Variants in GSTCD observed in about 807,000 individuals in gnomAD.
GSTCD encodes glutathione S-transferase C-terminal domain containing.
GSTCD carries 44 observed loss-of-function variants against 68.3 expected under a neutral mutation model. The observed-to-expected ratio is 0.64, with a 90% confidence interval of 0.51 to 0.83. GSTCD has a LOEUF of 0.83. GSTCD is among the 40% of genes least tolerant of loss of function. GSTCD has a pLI of 0.00. For missense variants in GSTCD, 739 were observed against 735.9 expected (o/e 1.00, Z -0.05); for synonymous variants, 273 against 255.2 (o/e 1.07, Z -0.67).
Position 105,834,503 on chromosome 4 carries a change from G to T in GSTCD, c.1573G>T (p.Glu525Ter). 6.2e-7 allele frequency: 1 copy of T among 1,614,100 alleles called. No homozygotes were observed. The highest frequency in any genetic ancestry group is 8.5e-7 in the Non-Finnish European group (1 of 1,179,968). ...TGGAGTGGCAACAGACATGGTGATT[G>T]AGCACTGTATCAAAACACGGGCTTC... The part of the protein sequence containing the change: ...ACGVATDMVI[E>*]HCIKTRASFV... The change falls in exon 9 of 12, where the codon GAG becomes TAG. Residue 525 changes from glutamate to a stop codon, truncating the protein, a stop_gained. Transcript: ENST00000515279. LOFTEE classifies it high-confidence loss of function.
At position 105,837,896 on chromosome 4, in the gene GSTCD, T is replaced by C. The variant is rs761420369; in HGVS notation, c.1695+7T>C. 1.7e-5 allele frequency: 18 copies of C among 1,080,536 alleles called. No individual in the cohort carries two copies. In the South Asian group the frequency reaches 2.5e-4, roughly 15 times the overall value. The allele number at this position is 1,080,536 out of a possible 1,614,324, so 66.9% of individuals were successfully genotyped here. A position where few individuals can be genotyped will look rare whatever the true frequency, so the allele number is the denominator to read the frequency against. On this transcript the variant is annotated splice_region_variant and intron_variant, in intron 10 of 11. Coordinates refer to ENST00000515279, the MANE Select transcript of GSTCD (RefSeq NM_001370181.1). ...GAAAACTTTATCATACAAGGTAACC[T>C]TAAAAAGATCTAGATATCATCCTAA... is the stretch of plus-strand genomic sequence containing the variant.
intron 5 of GSTCD, among the ~76,000 whole-genome samples, chr4:105,797,502 G>A (rs1226619290): frequency 6.6e-6 from 1 of 151,432 alleles, no homozygotes; most frequent in Non-Finnish European, 1.5e-5. Context: ...TTGTTTAAAA[G>A]TACTTTATTG....
chr4:105,795,440 G>T (rs1017841823), intron 5 of GSTCD, among the ~76,000 whole-genome samples: 2 of 151,976 alleles, frequency 1.3e-5, no homozygotes, highest in South Asian at 4.1e-4. Flanking sequence ...TTTAAGGACA[G>T]TTTTTGTTGC....
chr4:105,729,921 G>A (rs1318030077), intron 5 of GSTCD, among the ~76,000 whole-genome samples: 1 of 151,976 alleles, frequency 6.6e-6, no homozygotes, highest in Admixed American at 6.6e-5. Context: ...AGGCCCCGGT[G>A]TGTGATGTTC....
At chr4:105,746,901 C>G (rs1230686694) in intron 5 of GSTCD, among the ~76,000 whole-genome samples, 1 of 152,178 alleles carries the variant, frequency 6.6e-6, no homozygotes, top group African/African-American at 2.4e-5. Context: ...TCTGTGTGCT[C>G]TAGTCCCTAC....
intron 5 of GSTCD, among the ~76,000 whole-genome samples, chr4:105,816,817 C>T (rs147371954): frequency 2.6e-5 from 4 of 151,934 alleles, no homozygotes; most frequent in Non-Finnish European, 5.9e-5. Context: ...CTTTAGAGTC[C>T]CAGCTTCACC....
intron 5 of GSTCD, among the ~76,000 whole-genome samples, chr4:105,807,898 T>G (rs1722583100): frequency 1.3e-5 from 2 of 152,148 alleles, no homozygotes; most frequent in South Asian, 4.1e-4. Context: ...TAGCATCCGT[T>G]GATGATTTCT....
intron 1 of GSTCD, 143 bp downstream of exon 1, chr4:105,709,159 C>G (rs1321401723): frequency 6.6e-6 from 1 of 152,352 alleles, no homozygotes; most frequent in Non-Finnish European, 1.5e-5. Flanking sequence ...TGATTTTTCT[C>G]CCGCCCTGGG....
At chr4:105,807,735 A>T (rs1427433226) in intron 5 of GSTCD, among the ~76,000 whole-genome samples, 3 of 152,002 alleles carry the variant, frequency 2.0e-5, no homozygotes, top group Admixed American at 2.0e-4. Context: ...TCAGTTTGAC[A>T]CATTGTTTGT....
intron 3 of GSTCD, among the ~76,000 whole-genome samples, chr4:105,723,511 A>G (rs1314257426): frequency 2.0e-5 from 3 of 151,842 alleles, no homozygotes; most frequent in Non-Finnish European, 4.4e-5. Flanking sequence ...GAAGTAATCT[A>G]GGATTTAAAG....
chr4:105,768,051 T>G (rs1271376998), intron 5 of GSTCD, among the ~76,000 whole-genome samples: 1 of 151,894 alleles, frequency 6.6e-6, no homozygotes, highest in East Asian at 1.9e-4. Flanking sequence ...TTTTTTTTTT[T>G]TTGAGACGGA....
intron 5 of GSTCD, among the ~76,000 whole-genome samples, chr4:105,801,942 C>G (rs1736120525): frequency 6.6e-6 from 1 of 152,016 alleles, no homozygotes; most frequent in Non-Finnish European, 1.5e-5. Context: ...TTCTACTTTT[C>G]TATTTACTAG....
At chr4:105,735,638 C>G (rs536753823) in intron 5 of GSTCD, among the ~76,000 whole-genome samples, 2 of 152,222 alleles carry the variant, frequency 1.3e-5, no homozygotes, top group East Asian at 1.9e-4. Context: ...GAGGCGATGC[C>G]TCACCCTGCT....
intron 5 of GSTCD, among the ~76,000 whole-genome samples, chr4:105,814,759 C>T (rs1250725639): frequency 1.3e-5 from 2 of 152,290 alleles, no homozygotes; most frequent in Non-Finnish European, 1.5e-5. Flanking sequence ...GTTCCCACCC[C>T]ATCCATGCCT....
At chr4:105,844,922 C>T (rs1319084608) in intron 11 of GSTCD, among the ~76,000 whole-genome samples, 1 of 152,140 alleles carries the variant, frequency 6.6e-6, no homozygotes, top group African/African-American at 2.4e-5. Context: ...TACATTTCCA[C>T]CTGAAATAAA....
chr4:105,732,561 T>G (rs1183756874), intron 5 of GSTCD, among the ~76,000 whole-genome samples: 1 of 152,178 alleles, frequency 6.6e-6, no homozygotes, highest in Non-Finnish European at 1.5e-5. Context: ...TTTTATTGCA[T>G]CTAGTTGATT....
At chr4:105,747,369 A>G (rs1733841289) in intron 5 of GSTCD, among the ~76,000 whole-genome samples, 1 of 152,164 alleles carries the variant, frequency 6.6e-6, no homozygotes, top group African/African-American at 2.4e-5. Context: ...GCAGGGCCCT[A>G]CCCCACAGTT....
At chr4:105,804,226 G>A (rs1736245468) in intron 5 of GSTCD, among the ~76,000 whole-genome samples, 1 of 151,910 alleles carries the variant, frequency 6.6e-6, no homozygotes, top group African/African-American at 2.4e-5. Flanking sequence ...GCTATATCAG[G>A]AAGCTTGCTT....
chr4:105,789,134 C>G (rs1735570683), intron 5 of GSTCD, among the ~76,000 whole-genome samples: 1 of 151,880 alleles, frequency 6.6e-6, no homozygotes, highest in African/African-American at 2.4e-5. Flanking sequence ...TCTTTTTTGC[C>G]TTTGCAACCA....
Sources: gnomAD v4.1 joint callset for allele counts (sites outside exome capture counted in the v4.1 genomes callset) on GRCh38, gnomAD v4.1.1 for gene constraint, MANE v1.5 for transcripts, NCBI Gene and HGNC (gene_info 2026-07-23, HGNC 2026-07-21) for gene names.